PRDM9: variants seen among roughly 807,000 people sequenced by gnomAD.
PRDM9 encodes the protein histone-lysine N-methyltransferase PRDM9.
PRDM9 carries 47 observed loss-of-function variants against 55.6 expected under a neutral mutation model. The observed-to-expected ratio is 0.85, with a 90% CI of 0.67 to 1.08. The LOEUF (loss-of-function observed/expected upper bound fraction) is 1.08. Among genes scored for constraint, PRDM9 ranks in the 50% least tolerant of loss-of-function variants. The pLI is 0.00. For missense variants in PRDM9, 867 were observed against 1,040.3 expected (o/e 0.83, Z 2.29); for synonymous variants, 312 against 375.7 (o/e 0.83, Z 1.96).
chr5:23,512,290 A>C (rs921678083), intron 4 of PRDM9, among the ~76,000 whole-genome samples: 7 of 152,152 alleles, frequency 4.6e-5, no homozygotes, highest in Non-Finnish European at 7.3e-5. Context: ...CAGGTAAATA[A>C]AATAATGTAT....
intron 5 of PRDM9, among the ~76,000 whole-genome samples, chr5:23,518,605 G>T (rs1483373020): frequency 6.6e-6 from 1 of 152,204 alleles, no homozygotes; most frequent in African/African-American, 2.4e-5. Flanking sequence ...GCAGCTTCCA[G>T]CCCTGAGGAG....
intron 4 of PRDM9, among the ~76,000 whole-genome samples, chr5:23,516,840 C>T (rs184461737): frequency 0.01 from 1,490 of 148,090 alleles, 12 homozygotes; most frequent in Non-Finnish European, 0.014. Context: ...CTGCCTCAGC[C>T]TCCTGATTAG....
chr5:23,522,699 G>C lies in PRDM9; in HGVS notation c.696G>C (p.Lys232Asn), dbSNP rs199698917. ...PTFVKDSAVD[K>N]GHPNRSALSL... ...TTGTAAAGGACAGTGCAGTGGACAA[G>C]GGGCACCCCAACCGTTCAGCCCTCA... Residue 232 changes from lysine (K) to asparagine (N), a missense_variant, in exon 8 of 11, where the codon AAG becomes AAC. Lys to Asn is a moderately conservative substitution (Grantham distance 94, BLOSUM62 0). Transcript: ENST00000296682. 308 of 1,614,206 alleles carry C rather than the reference G, an allele frequency of 1.9e-4. 1 individual carries two copies. The African/African-American group carries it at 3.8e-3, about 20-fold the overall frequency.
rs1398383940 is a variant in PRDM9 at position 23,513,762 on chromosome 5, C to T, written c.301+3735C>T. 2.0e-5 allele frequency among the ~76,000 whole-genome samples: 3 copies of T among 151,970 alleles called. No individual in the cohort carries two copies. In the East Asian group the frequency reaches 5.8e-4, roughly 29 times the overall value. On this transcript the variant is annotated intron_variant, in intron 4 of 10. Transcript: ENST00000296682. The stretch of plus-strand genomic sequence containing the variant: ...GGCATAGTGGCGTGCACCTATAATC[C>T]CAGCTACTCGGTAGGCTGAAGTAGA...
chr5:23,516,973 C>T (rs577746922), intron 4 of PRDM9, among the ~76,000 whole-genome samples: 1 of 148,856 alleles, frequency 6.7e-6, no homozygotes, highest in Non-Finnish European at 1.5e-5. Flanking sequence ...CCTGTCTCTA[C>T]TAAAAATAAA....
chr5:23,514,536 C>G (rs765055927), intron 4 of PRDM9, among the ~76,000 whole-genome samples: 2 of 152,040 alleles, frequency 1.3e-5, no homozygotes, highest in Non-Finnish European at 2.9e-5. Context: ...GCAAACTCCA[C>G]CTCCTGGGTT....
chr5:23,509,212 G>C (rs1168829324), intron 2 of PRDM9, 110 bp downstream of exon 2: 2 of 1,459,092 alleles, frequency 1.4e-6, no homozygotes, highest in African/African-American at 1.4e-5. Flanking sequence ...TGCATGGAAT[G>C]GGGGCAGCTG....
chr5:23,513,403 A>G (rs1739138899), intron 4 of PRDM9, among the ~76,000 whole-genome samples: 2 of 152,176 alleles, frequency 1.3e-5, no homozygotes, highest in African/African-American at 4.8e-5. Flanking sequence ...TAGTTATTGC[A>G]GGAGTGGGTT....
At chr5:23,518,864 T>G (rs1342134073) in intron 5 of PRDM9, among the ~76,000 whole-genome samples, 1 of 152,184 alleles carries the variant, frequency 6.6e-6, no homozygotes, top group East Asian at 1.9e-4. Flanking sequence ...TATCTGATTC[T>G]TCTCAGAACT....
intron 3 of PRDM9, 61 bp downstream of exon 3, chr5:23,509,654 A>T (rs1250435980): frequency 6.2e-7 from 1 of 1,612,102 alleles, no homozygotes; most frequent in African/African-American, 1.3e-5. Context: ...TTTGGTCCCT[A>T]TATTATTTTA....
rs1301101039 is a variant in PRDM9, at chr5:23,524,479, G to C, written c.1096G>C (p.Gly366Arg). The C allele has an allele frequency of 6.2e-7, 1 of 1,613,796 alleles. No homozygotes were observed. Among genetic ancestry groups the C allele is most frequent in the Non-Finnish European group, 8.5e-7 (1 of 1,179,888 alleles). Residue 366 changes from glycine (G) to arginine (R), a missense_variant, in exon 10 of 11, where the codon GGC (glycine) becomes CGC (arginine). Around this residue, in one of 5 missense-constraint regions of PRDM9, gnomAD observed 662 missense variants for 711.9 expected, o/e 0.93. Transcript: ENST00000296682. ...WYGDEYGQEL[G>R]IKWGSKWKKE... ...TGGGGATGAATACGGCCAGGAACTGGGCATCAAGTGGGGCAGCAAGTGGAA... is the reference window on the plus strand; with the variant it reads ...TGGGGATGAATACGGCCAGGAACTGCGCATCAAGTGGGGCAGCAAGTGGAA...
intron 4 of PRDM9, among the ~76,000 whole-genome samples, chr5:23,512,707 T>G (rs747482370): frequency 6.6e-6 from 1 of 152,196 alleles, no homozygotes; most frequent in Non-Finnish European, 1.5e-5. Flanking sequence ...ATGCACATAG[T>G]GGTGAAATAG....
chr5:23,524,205 G>A (rs895774613), intron 9 of PRDM9, 129 bp from the exon 10 acceptor site: 15 of 1,217,040 alleles, frequency 1.2e-5, no homozygotes, highest in South Asian at 3.7e-5. Context: ...GAAGGTTCCC[G>A]GAGGAGTGGT....
In PRDM9 at chr5:23,521,156, G is replaced by T; in HGVS notation, c.485G>T (p.Gly162Val). Residue 162 changes from glycine (G) to valine (V), a missense_variant, in exon 6 of 11, where the codon GGA becomes GTA. Gly to Val is a moderately radical substitution (Grantham distance 109, BLOSUM62 -3). This residue lies in a region of PRDM9 where 662 missense variants were observed against 711.9 expected (regional missense o/e 0.93). Coordinates refer to ENST00000296682, the MANE Select transcript of PRDM9 (RefSeq NM_020227.4). Reference protein sequence around the residue: ...VSPSGEASTSGQHSRLKLELR... With the variant: ...VSPSGEASTSVQHSRLKLELR... ...CCTTCTGGAGAAGCAAGTACCTCTG[G>T]ACAGCACTCAAGACTAAAACTGGGT... 1.2e-6 allele frequency: 2 copies of T among 1,613,562 alleles called. No homozygotes were observed. The highest frequency in any genetic ancestry group is 1.7e-6 in the Non-Finnish European group (2 of 1,180,032).
rs569115150 is a variant in PRDM9 at position 23,523,035 on chromosome 5, C to T, written c.882+150C>T. The T allele has an allele frequency of 7.7e-6, 11 of 1,424,278 alleles. No homozygotes were observed. The African/African-American group carries it at 9.9e-5, about 13-fold the overall frequency. 88.2% of individuals were successfully genotyped at this position (1,424,278 alleles called of 1,614,324 possible). A position where few individuals can be genotyped will look rare whatever the true frequency, so the allele number is the denominator to read the frequency against. ...GGTTCTTTGCATGAACACGGAACTC[C>T]TATTTAGAGATCAGAGGTTACATGG... On this transcript the variant is annotated intron_variant, in intron 8 of 10. Coordinates refer to ENST00000296682, the MANE Select transcript of PRDM9 (RefSeq NM_020227.4).
Position 23,509,946 on chromosome 5 carries a change from A to G in PRDM9, c.220A>G (p.Met74Val), listed in dbSNP as rs1177738849. 1 of 1,613,612 alleles carries G rather than the reference A, an allele frequency of 6.2e-7. No homozygotes were observed. Among genetic ancestry groups the G allele is most frequent in the Non-Finnish European group, 8.5e-7 (1 of 1,179,900 alleles). ...IGLRATRPAF[M>V]CHRRQAIKLQ... Reference sequence around the variant, plus strand: ...TCTCAGAGCCACTCGACCAGCTTTCATGTGTCACCGAAGGCAGGCCATCAA... The same window carrying G: ...TCTCAGAGCCACTCGACCAGCTTTCGTGTGTCACCGAAGGCAGGCCATCAA... The change falls in exon 4 of 11, where the codon ATG becomes GTG. Residue 74 changes from methionine to valine, a missense_variant. Transcript: ENST00000296682.
chr5:23,517,977 C>A (rs1739249509), intron 5 of PRDM9, 47 bp downstream of exon 5: 1 of 1,497,756 alleles, frequency 6.7e-7, no homozygotes, highest in South Asian at 1.1e-5. Flanking sequence ...CCTCATGGAT[C>A]CAAACACAGG....
At chr5:23,520,697 T>C (rs1227820743) in intron 5 of PRDM9, among the ~76,000 whole-genome samples, 1 of 152,132 alleles carries the variant, frequency 6.6e-6, no homozygotes, top group Non-Finnish European at 1.5e-5. Flanking sequence ...TATGGAAGAT[T>C]CCCTCCTTCT....
intron 4 of PRDM9, 131 bp downstream of exon 4, chr5:23,510,158 G>C: frequency 1.1e-6 from 1 of 893,930 alleles, no homozygotes; most frequent in Non-Finnish European, 1.7e-6. Flanking sequence ...AGGTTCAAGC[G>C]ATTCTCCTGC....
Sources: gnomAD v4.1 joint callset for allele counts (sites outside exome capture counted in the v4.1 genomes callset) on GRCh38, gnomAD v4.1.1 for gene constraint, gnomAD v4.1.1 regional missense constraint, MANE v1.5 for transcripts, NCBI Gene and HGNC (gene_info 2026-07-23, HGNC 2026-07-21) for gene names.